NALF1: variants seen among roughly 807,000 people sequenced by gnomAD.
The protein encoded by NALF1 is family with sequence similarity 155 member A.
NALF1 carries 3 observed loss-of-function variants against 48.4 expected under a neutral mutation model. The observed-to-expected ratio is 0.06, with a 90% CI of 0.03 to 0.16. The LOEUF (loss-of-function observed/expected upper bound fraction) is 0.16, where lower values mean the gene tolerates loss of function less well. Among genes scored for constraint, NALF1 ranks in the 10% least tolerant of loss-of-function variants. NALF1 has a pLI of 1.00. For missense variants in NALF1, 526 were observed against 571.5 expected (o/e 0.92, Z 0.81); for synonymous variants, 262 against 245.7 (o/e 1.07, Z -0.62).
At chr13:107,590,940 G>A (rs765940721) in intron 1 of NALF1, among the ~76,000 whole-genome samples, 12 of 151,938 alleles carry the variant, frequency 7.9e-5, no homozygotes, top group Non-Finnish European at 1.8e-4. Context: ...ATTAAACATA[G>A]AAGTCATAGG....
At chr13:107,383,789 A>G (rs1315645969) in intron 1 of NALF1, among the ~76,000 whole-genome samples, 4 of 152,206 alleles carry the variant, frequency 2.6e-5, no homozygotes, top group Non-Finnish European at 5.9e-5. Context: ...AGCCCAGTTT[A>G]AGAAGAAAAA....
intron 1 of NALF1, among the ~76,000 whole-genome samples, chr13:107,371,122 G>A (rs763920413): frequency 2.6e-5 from 4 of 152,170 alleles, no homozygotes; most frequent in Admixed American, 6.5e-5. Flanking sequence ...AATTTCAACC[G>A]TGAACCTAGG....
rs1234044540 is a variant in NALF1 at position 107,549,554 on chromosome 13, T to C, written c.915+316128A>G. Among the ~76,000 whole-genome samples, 6 of 152,158 alleles carry C rather than the reference T, an allele frequency of 3.9e-5. No homozygotes were observed. The East Asian group carries it at 1.2e-3, about 29-fold the overall frequency. On this transcript the variant is annotated intron_variant, in intron 1 of 2. Transcript: ENST00000375915. ...ATAGTACAAAGAAATGTAATACATCTCTCCACCAGATTCCCCAAATGTTAA... is the reference window on the plus strand; with the variant it reads ...ATAGTACAAAGAAATGTAATACATCCCTCCACCAGATTCCCCAAATGTTAA...
intron 1 of NALF1, among the ~76,000 whole-genome samples, chr13:107,239,527 C>T (rs915582151): frequency 5.3e-5 from 8 of 152,218 alleles, no homozygotes; most frequent in Admixed American, 1.3e-4. Context: ...TTTCCAAACA[C>T]GGTCACATTC....
intron 1 of NALF1, among the ~76,000 whole-genome samples, chr13:107,255,862 T>C (rs1465541130): frequency 6.6e-6 from 1 of 152,224 alleles, no homozygotes; most frequent in Non-Finnish European, 1.5e-5. Context: ...TATTGTCTTT[T>C]AATAAAGGAA....
intron 1 of NALF1, among the ~76,000 whole-genome samples, chr13:107,307,883 A>T (rs1881968170): frequency 6.6e-6 from 1 of 152,216 alleles, no homozygotes; most frequent in Non-Finnish European, 1.5e-5. Flanking sequence ...TGTTCACTTA[A>T]TACAAATATT....
chr13:107,286,926 G>T (rs1291317196), intron 1 of NALF1, among the ~76,000 whole-genome samples: 1 of 152,206 alleles, frequency 6.6e-6, no homozygotes, highest in Non-Finnish European at 1.5e-5. Context: ...ACAAATTGAT[G>T]TGTAAGGGGT....
intron 1 of NALF1, among the ~76,000 whole-genome samples, chr13:107,606,102 TG>T (rs1163559412): frequency 2.6e-5 from 4 of 152,148 alleles, no homozygotes. Flanking sequence ...TAAATTCACA[TG>T]TACATTCAAA....
chr13:107,244,582 G>A (rs551442972), intron 1 of NALF1, among the ~76,000 whole-genome samples: 2 of 152,154 alleles, frequency 1.3e-5, no homozygotes, highest in East Asian at 3.9e-4. Flanking sequence ...TTTGCTTTTT[G>A]TACATCTTTT....
chr13:107,542,348 T>C (rs1487481257), intron 1 of NALF1, among the ~76,000 whole-genome samples: 1 of 151,984 alleles, frequency 6.6e-6, no homozygotes, highest in African/African-American at 2.4e-5. Context: ...AATGACACTG[T>C]AGAAAGGTAG....
At chr13:107,630,337 G>T (rs78139779) in intron 1 of NALF1, among the ~76,000 whole-genome samples, 18,300 of 151,886 alleles carry the variant, frequency 0.12, 1,574 homozygotes, top group Admixed American at 0.21. Context: ...AACACCATGG[G>T]GTCTGTGACT....
chr13:107,417,552 C>T (rs747957592), intron 1 of NALF1, among the ~76,000 whole-genome samples: 6 of 152,086 alleles, frequency 3.9e-5, no homozygotes, highest in Non-Finnish European at 7.3e-5. Context: ...TTTGTGTCTT[C>T]CTGGCCTAGA....
At chr13:107,770,799 A>C (rs1381446158) in intron 1 of NALF1, among the ~76,000 whole-genome samples, 1 of 152,172 alleles carries the variant, frequency 6.6e-6, no homozygotes, top group East Asian at 1.9e-4. Context: ...TAGTCAATTA[A>C]ATCTTTAATG....
chr13:107,322,230 T>C (rs10492719), intron 1 of NALF1, among the ~76,000 whole-genome samples: 6,917 of 152,258 alleles, frequency 0.045, 236 homozygotes, highest in East Asian at 0.19. Context: ...TAGGATAAAC[T>C]TTAAACAGCT....
chr13:107,745,855 T>C (rs1876767395), intron 1 of NALF1, among the ~76,000 whole-genome samples: 1 of 152,194 alleles, frequency 6.6e-6, no homozygotes, highest in Non-Finnish European at 1.5e-5. Context: ...TTTCCCCCTT[T>C]GCTCAACAAT....
At chr13:107,377,435 ATGCATTT>A (rs1386653126) in intron 1 of NALF1, among the ~76,000 whole-genome samples, 3 of 152,144 alleles carry the variant, frequency 2.0e-5, no homozygotes, top group African/African-American at 2.4e-5. Flanking sequence ...ATCTAAAAGA[ATGCATTT>A]TGCATTTTGC....
intron 1 of NALF1, among the ~76,000 whole-genome samples, chr13:107,517,322 T>A (rs1168672537): frequency 2.0e-5 from 3 of 152,126 alleles, no homozygotes; most frequent in Admixed American, 2.0e-4. Context: ...CCCATGTTAC[T>A]GGGAATTTTT....
At chr13:107,420,626 A>G (rs954728672) in intron 1 of NALF1, among the ~76,000 whole-genome samples, 1 of 152,138 alleles carries the variant, frequency 6.6e-6, no homozygotes, top group African/African-American at 2.4e-5. Context: ...TCTCTTTAGG[A>G]TTTCTAATTT....
chr13:107,392,036 A>G (rs1274665085), intron 1 of NALF1, among the ~76,000 whole-genome samples: 1 of 152,220 alleles, frequency 6.6e-6, no homozygotes, highest in East Asian at 1.9e-4. Flanking sequence ...CAGTTTAGGA[A>G]TTAAAATCTT....
Sources: allele counts gnomAD v4.1 joint callset (sites outside exome capture counted in the v4.1 genomes callset), GRCh38; gene constraint gnomAD v4.1.1; transcripts MANE v1.5; gene names NCBI Gene and HGNC (gene_info 2026-07-23, HGNC 2026-07-21).